Variants in CADM2 observed in about 807,000 individuals in gnomAD.
CADM2 encodes the protein immunoglobulin superfamily member 4D.
Under a neutral mutation model 49.8 loss-of-function variants are expected in CADM2, and 12 were observed. That is an observed-to-expected ratio of 0.24 (90% CI 0.15 to 0.39). The LOEUF is 0.39. Among genes scored for constraint, CADM2 ranks in the 10% least tolerant of loss-of-function variants. The probability of loss-of-function intolerance (pLI) is 1.00; values close to 1 mark genes in which losing one functional copy is unlikely to be tolerated. For missense variants in CADM2, 378 were observed against 492.3 expected (o/e 0.77, Z 2.20); for synonymous variants, 214 against 175.4 (o/e 1.22, Z -1.74).
chr3:85,167,107 C>T (rs2040490536), intron 1 of CADM2, among the ~76,000 whole-genome samples: 2 of 151,986 alleles, frequency 1.3e-5, no homozygotes. Flanking sequence ...TGTGAATTAA[C>T]TTTCATTTCA....
chr3:85,305,189 G>A (rs1365127023), intron 1 of CADM2, among the ~76,000 whole-genome samples: 1 of 151,450 alleles, frequency 6.6e-6, no homozygotes, highest in Non-Finnish European at 1.5e-5. Flanking sequence ...TTTTAGTCCT[G>A]AAAGCAAGAC....
At chr3:85,393,558 A>G (rs770121187) in intron 1 of CADM2, among the ~76,000 whole-genome samples, 3 of 152,182 alleles carry the variant, frequency 2.0e-5, no homozygotes, top group African/African-American at 4.8e-5. Flanking sequence ...GAAGTTGTAT[A>G]CAGCCTAGGG....
chr3:85,229,504 G>A (rs547636585), intron 1 of CADM2, among the ~76,000 whole-genome samples: 1 of 152,322 alleles, frequency 6.6e-6, no homozygotes, highest in African/African-American at 2.4e-5. Flanking sequence ...AGATACCTCA[G>A]TTGGAAATGC....
In CADM2 at chr3:86,043,708, T is replaced by C. The variant is rs554564742; in HGVS notation, c.971-21897T>C. ...CTTTCTTCACAGAATTGGAAAAAAC[T>C]ACTTTAAATTTCATATGGAACCAAA... On this transcript the variant is annotated intron_variant, in intron 8 of 9. Transcript: ENST00000383699. Among the ~76,000 whole-genome samples, 307 of 152,290 alleles carry C rather than the reference T, an allele frequency of 2.0e-3. 1 individual carries two copies. Among genetic ancestry groups the C allele is most frequent in the African/African-American group, 6.5e-3 (271 of 41,540 alleles).
At chr3:85,061,790 G>T (rs1351020588) in intron 1 of CADM2, among the ~76,000 whole-genome samples, 4 of 152,082 alleles carry the variant, frequency 2.6e-5, no homozygotes, top group African/African-American at 9.7e-5. Flanking sequence ...GTATTGCAAT[G>T]TAGTCGATAT....
intron 1 of CADM2, among the ~76,000 whole-genome samples, chr3:85,438,753 G>A (rs2107537523): frequency 6.6e-6 from 1 of 152,170 alleles, no homozygotes; most frequent in East Asian, 1.9e-4. Context: ...GCTCACTGTA[G>A]CCTCAAACTC....
chr3:86,020,557 T>C lies in CADM2; in HGVS notation c.971-45048T>C, dbSNP rs981029987. Among the ~76,000 whole-genome samples, 378 of 151,296 alleles carry C rather than the reference T, an allele frequency of 2.5e-3. 1 individual carries two copies. Among genetic ancestry groups the C allele is most frequent in the African/African-American group, 8.9e-3 (366 of 41,226 alleles). ...AAAAAAAGAGAATTTTAGACCAATA[T>C]CCTTGATGAACATTGATGCAAAAAT... On this transcript the variant is annotated intron_variant, in intron 8 of 9. Transcript: ENST00000383699.
intron 1 of CADM2, among the ~76,000 whole-genome samples, chr3:85,526,041 C>T (rs1039442279): frequency 2.0e-5 from 3 of 152,076 alleles, no homozygotes; most frequent in African/African-American, 7.2e-5. Flanking sequence ...TATCTTTTCT[C>T]TCTGACACCC....
intron 8 of CADM2, among the ~76,000 whole-genome samples, chr3:86,033,745 A>G (rs985401306): frequency 6.8e-6 from 1 of 146,356 alleles, no homozygotes; most frequent in African/African-American, 2.5e-5. Context: ...TCAGAAGCCC[A>G]TAAAGAAATA....
At chr3:85,592,706 T>TTA (rs2063139580) in intron 1 of CADM2, among the ~76,000 whole-genome samples, 2 of 151,270 alleles carry the variant, frequency 1.3e-5, no homozygotes, top group Non-Finnish European at 3.0e-5. Flanking sequence ...GTTCTGGATT[T>TTA]TTATTATTAT....
At chr3:85,810,783 G>T (rs916928309) in intron 3 of CADM2, among the ~76,000 whole-genome samples, 2 of 151,746 alleles carry the variant, frequency 1.3e-5, no homozygotes, top group African/African-American at 4.8e-5. Flanking sequence ...CAAGAGATCC[G>T]CCTGCCTCAG....
chr3:85,132,620 G>GAT (rs199711759), intron 1 of CADM2, among the ~76,000 whole-genome samples: 24 of 148,770 alleles, frequency 1.6e-4, no homozygotes, highest in African/African-American at 5.2e-4. Flanking sequence ...TATAAACAAG[G>GAT]ATATATTATA....
intron 1 of CADM2, among the ~76,000 whole-genome samples, chr3:85,029,988 A>C (rs2034905668): frequency 6.6e-6 from 1 of 152,236 alleles, no homozygotes; most frequent in Admixed American, 6.5e-5. Context: ...AAGTATTTCA[A>C]TAAACCGCAG....
At chr3:85,447,998 A>G (rs946717037) in intron 1 of CADM2, among the ~76,000 whole-genome samples, 31 of 152,234 alleles carry the variant, frequency 2.0e-4, no homozygotes, top group Non-Finnish European at 2.5e-4. Flanking sequence ...AACACACACA[A>G]AAAGACACAA....
At chr3:85,617,458 T>C (rs980257621) in intron 1 of CADM2, among the ~76,000 whole-genome samples, 1 of 152,130 alleles carries the variant, frequency 6.6e-6, no homozygotes, top group African/African-American at 2.4e-5. Flanking sequence ...TAGCCCACCA[T>C]CTCCTGCACG....
intron 1 of CADM2, among the ~76,000 whole-genome samples, chr3:85,579,238 T>A (rs2062725900): frequency 6.6e-6 from 1 of 152,172 alleles, no homozygotes; most frequent in Admixed American, 6.5e-5. Context: ...CATCCTACCT[T>A]CCTTCATTCT....
chr3:85,579,952 G>T (rs1330625326), intron 1 of CADM2, among the ~76,000 whole-genome samples: 1 of 152,052 alleles, frequency 6.6e-6, no homozygotes, highest in Non-Finnish European at 1.5e-5. Context: ...TACACATATG[G>T]GAAGAAGTCA....
intron 1 of CADM2, among the ~76,000 whole-genome samples, chr3:85,629,752 CAA>C (rs1027039379): frequency 1.6e-4 from 24 of 151,916 alleles, no homozygotes; most frequent in Admixed American, 4.6e-4. Flanking sequence ...CTAGATAAAA[CAA>C]AGTTTGCCAC....
intron 1 of CADM2, among the ~76,000 whole-genome samples, chr3:85,069,537 T>C (rs1169434138): frequency 6.6e-6 from 1 of 152,132 alleles, no homozygotes; most frequent in African/African-American, 2.4e-5. Context: ...TTAGGTGTTT[T>C]AAGTTTTCTA....
Sources: gnomAD v4.1 joint callset for allele counts (sites outside exome capture counted in the v4.1 genomes callset) on GRCh38, gnomAD v4.1.1 for gene constraint, MANE v1.5 for transcripts, NCBI Gene and HGNC (gene_info 2026-07-23, HGNC 2026-07-21) for gene names.